FRMD4A: variants seen among roughly 807,000 people sequenced by gnomAD.
The protein encoded by FRMD4A is FERM domain-containing protein 4A.
Under a neutral mutation model 129.1 loss-of-function variants are expected in FRMD4A, and 29 were observed. The observed-to-expected ratio is 0.22, with a 90% confidence interval of 0.17 to 0.31. FRMD4A has a LOEUF of 0.31. Ranked by LOEUF, FRMD4A falls within the 10% of genes least tolerant of loss-of-function variation. The pLI, the probability that FRMD4A is intolerant of heterozygous loss-of-function variation, is 1.00. For synonymous variants in FRMD4A, 634 were observed against 571.6 expected, an observed-to-expected ratio of 1.11 and a Z score of -1.56; for missense variants, 1,272 against 1,375.8, an observed-to-expected ratio of 0.92 and a Z score of 1.19.
chr10:14,089,078 A>G (rs1234114879), intron 2 of FRMD4A, among the ~76,000 whole-genome samples: 1 of 152,190 alleles, frequency 6.6e-6, no homozygotes, highest in Non-Finnish European at 1.5e-5. Context: ...ATGAGTCCTC[A>G]TTGAGGAGGA....
chr10:13,763,682 T>C (rs1017646311), intron 6 of FRMD4A, among the ~76,000 whole-genome samples: 2 of 152,224 alleles, frequency 1.3e-5, no homozygotes, highest in Non-Finnish European at 2.9e-5. Context: ...TCTCTCTTTA[T>C]ATTTATATTT....
intron 8 of FRMD4A, among the ~76,000 whole-genome samples, chr10:13,754,533 T>C (rs1447908973): frequency 6.6e-6 from 1 of 151,940 alleles, no homozygotes; most frequent in Admixed American, 6.6e-5. Flanking sequence ...AAAGTCATTT[T>C]TAAATCATGG....
At chr10:13,733,560 T>C (rs143984759) in intron 12 of FRMD4A, among the ~76,000 whole-genome samples, 2,286 of 152,266 alleles carry the variant, frequency 0.015, 71 homozygotes, top group African/African-American at 0.051. Flanking sequence ...GTAGCTGAGA[T>C]TATAGGCGCC....
chr10:13,869,332 G>C (rs527716265), intron 2 of FRMD4A, among the ~76,000 whole-genome samples: 1 of 152,230 alleles, frequency 6.6e-6, no homozygotes, highest in Admixed American at 6.5e-5. Flanking sequence ...ATGGCATCTC[G>C]CTGAAGAGGA....
intron 2 of FRMD4A, among the ~76,000 whole-genome samples, chr10:13,942,490 A>G (rs2095300092): frequency 6.6e-6 from 1 of 152,188 alleles, no homozygotes; most frequent in Admixed American, 6.5e-5. Context: ...GACTCTTGTC[A>G]TTAGAACAGT....
chr10:14,159,718 A>T (rs187174744), intron 2 of FRMD4A, among the ~76,000 whole-genome samples: 47 of 152,326 alleles, frequency 3.1e-4, no homozygotes, highest in African/African-American at 1.1e-3. Context: ...AACAACAACA[A>T]AAAAAGCTAG....
At chr10:14,091,051 A>T (rs1045050864) in intron 2 of FRMD4A, among the ~76,000 whole-genome samples, 7 of 152,244 alleles carry the variant, frequency 4.6e-5, no homozygotes, top group African/African-American at 1.7e-4. Context: ...CCAGCAAAAC[A>T]TTAGAATGAC....
chr10:14,014,854 T>C (rs2131639182), intron 2 of FRMD4A, among the ~76,000 whole-genome samples: 1 of 152,354 alleles, frequency 6.6e-6, no homozygotes, highest in South Asian at 2.1e-4. Flanking sequence ...TTTGGAAGAC[T>C]CTAGGCAGAA....
intron 2 of FRMD4A, among the ~76,000 whole-genome samples, chr10:14,257,619 T>C (rs1844661805): frequency 6.6e-6 from 1 of 152,180 alleles, no homozygotes; most frequent in Admixed American, 6.5e-5. Flanking sequence ...TTGGATTTAG[T>C]GTGGGCCCTA....
chr10:14,158,015 C>G (rs986623786), intron 2 of FRMD4A, among the ~76,000 whole-genome samples: 3 of 152,292 alleles, frequency 2.0e-5, no homozygotes, highest in Admixed American at 1.3e-4. Flanking sequence ...CCATGACCTT[C>G]TGGTGAAGCA....
In FRMD4A at chr10:13,954,082, C is replaced by G. The variant is rs181005410; in HGVS notation, c.46-95170G>C. Among the ~76,000 whole-genome samples, 6 of 152,330 alleles carry G rather than the reference C, an allele frequency of 3.9e-5. No homozygotes were observed. The East Asian group carries it at 1.2e-3, about 29-fold the overall frequency. On this transcript the variant is annotated intron_variant, in intron 2 of 24. Transcript: ENST00000357447. ...CTGTGCTAGGACATCAGGGCAGAAA[C>G]AGACCAAAGCCTGCACAGTGTTCAC...
intron 12 of FRMD4A, among the ~76,000 whole-genome samples, chr10:13,724,510 G>A (rs2089734561): frequency 6.6e-6 from 1 of 152,192 alleles, no homozygotes; most frequent in Non-Finnish European, 1.5e-5. Context: ...CCGGTTCATG[G>A]CTTCTTTTGG....
chr10:14,284,352 A>T (rs1344619981), intron 2 of FRMD4A, among the ~76,000 whole-genome samples: 3 of 152,156 alleles, frequency 2.0e-5, no homozygotes, highest in Non-Finnish European at 4.4e-5. Context: ...CCCAATTTAA[A>T]CTATTGTTGC....
intron 12 of FRMD4A, among the ~76,000 whole-genome samples, chr10:13,737,576 T>C (rs2090713426): frequency 6.6e-6 from 1 of 152,112 alleles, no homozygotes; most frequent in South Asian, 2.1e-4. Flanking sequence ...TCTCTTTGCC[T>C]ATCTGCTCTG....
intron 13 of FRMD4A, among the ~76,000 whole-genome samples, chr10:13,704,574 C>T (rs530695602): frequency 6.6e-6 from 1 of 152,322 alleles, no homozygotes; most frequent in East Asian, 1.9e-4. Flanking sequence ...TAAGCCTCTC[C>T]CTTCCTGACC....
chr10:13,908,302 C>T (rs1414691106), intron 2 of FRMD4A, among the ~76,000 whole-genome samples: 2 of 151,970 alleles, frequency 1.3e-5, no homozygotes, highest in Admixed American at 1.3e-4. Context: ...TGCTTCTCAT[C>T]CTTTTTCCTT....
At chr10:13,984,435 G>T (rs148112151) in intron 2 of FRMD4A, among the ~76,000 whole-genome samples, 1 of 152,212 alleles carries the variant, frequency 6.6e-6, no homozygotes, top group African/African-American at 2.4e-5. Flanking sequence ...TAAATGTGCC[G>T]TTCAGTGGCA....
At chr10:13,730,251 G>C (rs1055273883) in intron 12 of FRMD4A, among the ~76,000 whole-genome samples, 2 of 152,208 alleles carry the variant, frequency 1.3e-5, no homozygotes, top group African/African-American at 2.4e-5. Flanking sequence ...ACGTGAGCCA[G>C]ATTTTGTCCA....
At chr10:14,187,032 T>C (rs990709237) in intron 2 of FRMD4A, among the ~76,000 whole-genome samples, 16 of 151,436 alleles carry the variant, frequency 1.1e-4, no homozygotes, top group African/African-American at 3.6e-4. Flanking sequence ...GGCAAGAAGA[T>C]TGCCTGAGCC....
Sources: gnomAD v4.1 joint callset for allele counts (sites outside exome capture counted in the v4.1 genomes callset) on GRCh38, gnomAD v4.1.1 for gene constraint, MANE v1.5 for transcripts, NCBI Gene and HGNC (gene_info 2026-07-23, HGNC 2026-07-21) for gene names.